Variants in NFIB observed in about 807,000 individuals in gnomAD.
The protein encoded by NFIB is nuclear factor I B.
In NFIB, 11 loss-of-function variants were observed where a neutral mutation model predicts 61.5. That is an observed-to-expected ratio of 0.18 (90% confidence interval 0.11 to 0.30). The LOEUF (loss-of-function observed/expected upper bound fraction) is 0.30, where lower values mean the gene tolerates loss of function less well. NFIB is among the 10% of genes least tolerant of loss of function. The pLI is 1.00. For synonymous variants in NFIB, 260 were observed against 216.5 expected, an observed-to-expected ratio of 1.20 and a Z score of -1.76; for missense variants, 471 against 608.9, an observed-to-expected ratio of 0.77 and a Z score of 2.38.
At chr9:14,322,105 A>T in intron 1 of NFIB, 2 of 1,090,780 alleles carry the variant, frequency 1.8e-6, no homozygotes, top group Non-Finnish European at 1.1e-6. Context: ...AAAAAAAAGC[A>T]ATCCGGGAGT....
At chr9:14,480,713 G>C in the NFIB span, among the ~76,000 whole-genome samples, 1 of 152,134 alleles carries the variant, frequency 6.6e-6, no homozygotes, top group East Asian at 1.9e-4. Flanking sequence ...AGAACAACAT[G>C]AATGAGACAA....
intron 2 of NFIB, among the ~76,000 whole-genome samples, chr9:14,248,014 C>T (rs537712645): frequency 1.3e-5 from 2 of 150,288 alleles, no homozygotes; most frequent in East Asian, 2.0e-4. Context: ...CTCACTGTAA[C>T]TCTGAACTCC....
At chr9:14,366,021 C>G (rs2061295952) in intron 1 of NFIB, among the ~76,000 whole-genome samples, 2 of 152,152 alleles carry the variant, frequency 1.3e-5, no homozygotes, top group South Asian at 2.1e-4. Context: ...GATGTAAAAC[C>G]TAGAATTAAA....
the NFIB span, among the ~76,000 whole-genome samples, chr9:14,519,351 G>A: frequency 2.0e-5 from 3 of 152,160 alleles, no homozygotes; most frequent in Non-Finnish European, 4.4e-5. Flanking sequence ...GGGGAAAAAT[G>A]AAATTAATGA....
intron 2 of NFIB, among the ~76,000 whole-genome samples, chr9:14,202,717 G>A (rs1307220861): frequency 2.0e-5 from 3 of 152,060 alleles, no homozygotes; most frequent in Non-Finnish European, 2.9e-5. Context: ...TTTCTCTAAC[G>A]TATCTGAGAA....
intron 6 of NFIB, among the ~76,000 whole-genome samples, chr9:14,146,052 T>C (rs375877328): frequency 6.6e-6 from 1 of 152,244 alleles, no homozygotes; most frequent in Admixed American, 6.6e-5. Context: ...ATATATCTAA[T>C]GAAATATAGT....
chr9:14,433,647 G>A, the NFIB span, among the ~76,000 whole-genome samples: 2 of 152,084 alleles, frequency 1.3e-5, no homozygotes, highest in African/African-American at 4.8e-5. Flanking sequence ...TGACGAGTCT[G>A]CTCAAAGCAG....
chr9:14,155,971 G>A, intron 3 of NFIB, 78 bp from the exon 4 acceptor site: 2 of 865,022 alleles, frequency 2.3e-6, no homozygotes, highest in East Asian at 3.0e-5. Flanking sequence ...GAATTTAAGT[G>A]TTTTAAAGCC....
chr9:14,359,754 C>G (rs1268711045), intron 1 of NFIB, among the ~76,000 whole-genome samples: 1 of 152,116 alleles, frequency 6.6e-6, no homozygotes, highest in East Asian at 1.9e-4. Flanking sequence ...CAAACACTCT[C>G]CTTCTCCCTG....
chr9:14,424,138 T>C, the NFIB span, among the ~76,000 whole-genome samples: 7 of 152,122 alleles, frequency 4.6e-5, no homozygotes, highest in South Asian at 2.1e-4. Context: ...GCCATGATAG[T>C]TTAAGTTAAA....
chr9:14,231,091 G>C (rs139990473), intron 2 of NFIB, among the ~76,000 whole-genome samples: 8 of 131,098 alleles, frequency 6.1e-5, no homozygotes, highest in Non-Finnish European at 9.4e-5. Flanking sequence ...AGGGATATCT[G>C]AGTCCTTGGC....
chr9:14,309,438 A>G (rs896143967), intron 1 of NFIB, among the ~76,000 whole-genome samples: 1 of 152,234 alleles, frequency 6.6e-6, no homozygotes, highest in Non-Finnish European at 1.5e-5. Context: ...ATTTTATAAC[A>G]ATACAGAATG....
chr9:14,505,240 G>C, the NFIB span, among the ~76,000 whole-genome samples: 2 of 152,168 alleles, frequency 1.3e-5, no homozygotes, highest in Non-Finnish European at 1.5e-5. Context: ...TTGACATGCT[G>C]TTGGATTTGG....
the NFIB span, among the ~76,000 whole-genome samples, chr9:14,488,142 T>C: frequency 1.3e-5 from 2 of 152,004 alleles, no homozygotes; most frequent in African/African-American, 2.4e-5. Flanking sequence ...CTTGGGAGGA[T>C]TGCTTGAGTC....
chr9:14,231,133 A>ATATATATATATATATAT (rs1392498228), intron 2 of NFIB, among the ~76,000 whole-genome samples: 14 of 67,202 alleles, frequency 2.1e-4, no homozygotes, highest in African/African-American at 3.6e-4. Context: ...AAAAAAAAAA[A>ATATATATATATATATAT]AAATATATAT....
chr9:14,202,518 G>C (rs568225571), intron 2 of NFIB, among the ~76,000 whole-genome samples: 6 of 152,180 alleles, frequency 3.9e-5, no homozygotes, highest in Admixed American at 1.3e-4. Context: ...GTCTCAAAAG[G>C]AGTACTGAGA....
At chr9:14,411,784 T>G in the NFIB span, among the ~76,000 whole-genome samples, 1 of 152,196 alleles carries the variant, frequency 6.6e-6, no homozygotes, top group East Asian at 1.9e-4. Context: ...GTATTAAGGC[T>G]GGTCTGTTAC....
At chr9:14,330,941 C>A (rs1048084960) in intron 1 of NFIB, among the ~76,000 whole-genome samples, 1 of 151,842 alleles carries the variant, frequency 6.6e-6, no homozygotes, top group African/African-American at 2.4e-5. Flanking sequence ...GGAGTCCAGC[C>A]CCTCTGTACT....
chr9:14,264,288 C>T (rs1450727021), intron 2 of NFIB, among the ~76,000 whole-genome samples: 1 of 152,066 alleles, frequency 6.6e-6, no homozygotes, highest in Non-Finnish European at 1.5e-5. Context: ...GGTTCAATAT[C>T]CACTCCTGGC....
Sources: allele counts gnomAD v4.1 joint callset (sites outside exome capture counted in the v4.1 genomes callset), GRCh38; gene constraint gnomAD v4.1.1; transcripts MANE v1.5; gene names NCBI Gene and HGNC (gene_info 2026-07-23, HGNC 2026-07-21).